Variants in TLK1 observed in about 807,000 individuals in gnomAD.
TLK1 encodes tousled like kinase 1, also known as serine/threonine-protein kinase tousled-like 1.
A neutral mutation model predicts 105.3 loss-of-function variants in TLK1; 24 were observed. The ratio of observed to expected loss-of-function variants is 0.23; its 90% CI spans 0.17 to 0.32. The LOEUF is 0.32. TLK1 is among the 10% of genes least tolerant of loss of function. The pLI is 1.00. For missense variants in TLK1, 558 were observed against 910.5 expected (o/e 0.61, Z 4.98); for synonymous variants, 321 against 310.4 (o/e 1.03, Z -0.36).
chr2:171,002,392 AGGACTACGAGCAGCTG>A (rs1684422328), intron 18 of TLK1, among the ~76,000 whole-genome samples: 1 of 151,668 alleles, frequency 6.6e-6, no homozygotes, highest in African/African-American at 2.4e-5. Context: ...CCGAGTAGCT[AGGACTACGAGCAGCTG>A]GGACTACAGG....
chr2:171,225,532 T>C (rs1398323689), intron 1 of TLK1, among the ~76,000 whole-genome samples: 1 of 152,158 alleles, frequency 6.6e-6, no homozygotes, highest in Non-Finnish European at 1.5e-5. Context: ...GAAGGTGCAA[T>C]GGCATGACTG....
At position 171,011,296 on chromosome 2, in the gene TLK1, C is replaced by T. The variant is rs1684904187; in HGVS notation, c.1416+77G>A. On this transcript the variant is annotated intron_variant, in intron 14 of 20. Transcript: ENST00000431350. ...TGTGTGAGCCACCATGCCCAGACAA[C>T]GTAAGTACTTCTTAACCACATACTC... 1.5e-5 allele frequency: 19 copies of T among 1,266,746 alleles called. No homozygotes were observed. The Middle Eastern group carries it at 6.1e-4, about 41-fold the overall frequency. The allele number at this position is 1,266,746 out of a possible 1,614,324, so 78.5% of individuals were successfully genotyped here.
At chr2:171,058,893 T>C (rs912254840) in intron 4 of TLK1, among the ~76,000 whole-genome samples, 8 of 152,170 alleles carry the variant, frequency 5.3e-5, no homozygotes, top group African/African-American at 1.7e-4. Context: ...TATCACAAAG[T>C]CAAAAGCTTT....
chr2:171,011,468 G>A lies in TLK1; in HGVS notation c.1335-14C>T. On this transcript the variant is annotated splice_polypyrimidine_tract_variant and intron_variant, in intron 13 of 20. Transcript: ENST00000431350. ...TGATCTTTGAACCTTAGAGGTGGGG[G>A]CAAAAAACAGACATATTAAAACACA... The A allele has an allele frequency of 2.5e-6, 4 of 1,598,826 alleles. No homozygotes were observed. The highest frequency in any genetic ancestry group is 1.1e-5 in the South Asian group (1 of 88,674).
At chr2:171,091,520 C>T (rs1440549752) in intron 2 of TLK1, 2 of 152,078 alleles carry the variant, frequency 1.3e-5, no homozygotes, top group Admixed American at 6.6e-5. Context: ...ACCATCCTGT[C>T]CTTGTATTTT....
chr2:171,135,315 GTGTGTA>G (rs1420824707), intron 1 of TLK1, among the ~76,000 whole-genome samples: 1 of 54,490 alleles, frequency 1.8e-5, no homozygotes, highest in East Asian at 2.6e-4. Flanking sequence ...GTGTGTGTGT[GTGTGTA>G]TATATATATA....
intron 2 of TLK1, among the ~76,000 whole-genome samples, chr2:171,115,232 C>A (rs993072323): frequency 7.1e-6 from 1 of 141,188 alleles, no homozygotes; most frequent in Non-Finnish European, 1.5e-5. Flanking sequence ...AGTGCAATGG[C>A]GCCATCTTGG....
chr2:171,064,675 A>C (rs1687907402), intron 3 of TLK1, among the ~76,000 whole-genome samples: 1 of 152,200 alleles, frequency 6.6e-6, no homozygotes, highest in African/African-American at 2.4e-5. Flanking sequence ...GTATTCAGTA[A>C]TTATAAAAGG....
At chr2:171,032,087 A>ACAACAACAACAACAACAAAAGG (rs1385165995) in intron 11 of TLK1, among the ~76,000 whole-genome samples, 1 of 96,672 alleles carries the variant, frequency 1.0e-5, no homozygotes, top group Admixed American at 1.0e-4. Context: ...AAAGAAAAGA[A>ACAACAACAACAACAACAAAAGG]CAACAACAAC....
At chr2:171,014,796 G>T (rs923041274) in intron 13 of TLK1, 55 bp downstream of exon 13, 2 of 1,257,544 alleles carry the variant, frequency 1.6e-6, no homozygotes, top group East Asian at 4.6e-5. Context: ...ATGCTCTATG[G>T]GGGGCGGGGG....
chr2:171,226,781 A>T (rs540878390), intron 1 of TLK1, among the ~76,000 whole-genome samples: 1 of 152,322 alleles, frequency 6.6e-6, no homozygotes, highest in East Asian at 1.9e-4. Context: ...TAGGATGGTT[A>T]GGGTAGTGGT....
rs1575533572 is a variant in TLK1 at position 171,032,548 on chromosome 2, G to A, written c.1170-4143C>T. ...AATAAATTTAACCCAGGAGGTGAAA[G>A]ACTTGCCTACTAAAAACTACAAAAT... On this transcript the variant is annotated intron_variant, in intron 11 of 20. Transcript: ENST00000431350. Among the ~76,000 whole-genome samples the A allele has an allele frequency of 3.9e-5, 6 of 152,240 alleles. No homozygotes were observed. The East Asian group carries it at 1.2e-3, about 29-fold the overall frequency.
Position 171,046,378 on chromosome 2 carries a change from C to G in TLK1, c.981-16G>C. ...TTCTTGTTGCCTGTGTAAAAATAAA[C>G]AAATAAAACCATATTAACCTTCCAT... is the stretch of plus-strand genomic sequence containing the variant. On this transcript the variant is annotated splice_polypyrimidine_tract_variant and intron_variant, in intron 10 of 20. Transcript: ENST00000431350. 6.4e-7 allele frequency: 1 copy of G among 1,571,714 alleles called. No individual in the cohort carries two copies. The highest frequency in any genetic ancestry group is 8.6e-7 in the Non-Finnish European group (1 of 1,162,764).
chr2:171,217,874 T>C (rs1693742481), intron 1 of TLK1, among the ~76,000 whole-genome samples: 1 of 152,244 alleles, frequency 6.6e-6, no homozygotes, highest in East Asian at 1.9e-4. Flanking sequence ...TTTAAAGTTG[T>C]ATGAACATGG....
At chr2:171,188,524 T>C (rs906189640) in intron 1 of TLK1, among the ~76,000 whole-genome samples, 1 of 152,020 alleles carries the variant, frequency 6.6e-6, no homozygotes. Flanking sequence ...GCCAACATAG[T>C]GAAACCCTGT....
intron 2 of TLK1, among the ~76,000 whole-genome samples, chr2:171,112,402 T>G (rs146525490): frequency 6.6e-6 from 1 of 152,304 alleles, no homozygotes; most frequent in African/African-American, 2.4e-5. Context: ...AAAAAAGACT[T>G]TCATAAGTTC....
chr2:171,069,369 G>A (rs907615715), intron 3 of TLK1, among the ~76,000 whole-genome samples: 1 of 152,142 alleles, frequency 6.6e-6, no homozygotes, highest in Non-Finnish European at 1.5e-5. Context: ...TTAAGAAGTC[G>A]CAATCTAGCT....
chr2:171,076,580 G>T (rs192012985), intron 3 of TLK1, among the ~76,000 whole-genome samples: 9 of 152,106 alleles, frequency 5.9e-5, no homozygotes, highest in Non-Finnish European at 1.2e-4. Flanking sequence ...ACTGCAAATG[G>T]GTGGATCAAG....
chr2:171,206,495 G>A (rs1386902418), intron 1 of TLK1, among the ~76,000 whole-genome samples: 1 of 152,174 alleles, frequency 6.6e-6, no homozygotes, highest in Admixed American at 6.5e-5. Flanking sequence ...TTGTCTGCAT[G>A]GAGATGAAAC....
Sources: allele counts gnomAD v4.1 joint callset (sites outside exome capture counted in the v4.1 genomes callset), GRCh38; gene constraint gnomAD v4.1.1; transcripts MANE v1.5; gene names NCBI Gene and HGNC (gene_info 2026-07-23, HGNC 2026-07-21).